FNDC3A: variants seen among roughly 807,000 people sequenced by gnomAD.
The protein encoded by FNDC3A is fibronectin type III domain containing 3A.
FNDC3A carries 32 observed loss-of-function variants against 148.9 expected under a neutral mutation model. The observed-to-expected ratio is 0.21, with a 90% CI of 0.16 to 0.29. The LOEUF is 0.29. Ranked by LOEUF, FNDC3A falls within the 10% of genes least tolerant of loss-of-function variation. FNDC3A has a pLI of 1.00. For synonymous variants in FNDC3A, 472 were observed against 473.6 expected (o/e 1.00, Z 0.04); for missense variants, 1,191 against 1,452.8 (o/e 0.82, Z 2.93).
intron 2 of FNDC3A, among the ~76,000 whole-genome samples, chr13:49,055,634 C>A (rs1274402798): frequency 6.6e-6 from 1 of 152,176 alleles, no homozygotes; most frequent in Non-Finnish European, 1.5e-5. Context: ...TTGATAATAG[C>A]TCTTTCAACC....
chr13:49,012,805 A>ATG (rs61137549), intron 2 of FNDC3A, among the ~76,000 whole-genome samples: 4,819 of 134,528 alleles, frequency 0.036, 119 homozygotes, highest in African/African-American at 0.067. Flanking sequence ...GCAATTATAA[A>ATG]TGTGTGTGTG....
At chr13:49,193,192 G>T (rs1282664459) in intron 19 of FNDC3A, among the ~76,000 whole-genome samples, 1 of 152,050 alleles carries the variant, frequency 6.6e-6, no homozygotes, top group Admixed American at 6.6e-5. Flanking sequence ...GTTTTCTTAG[G>T]TTGCCTTATA....
rs1401498120 is a variant in FNDC3A at position 49,195,118 on chromosome 13, A to G, written c.2227-1759A>G. On this transcript the variant is annotated intron_variant, in intron 19 of 25. Transcript: ENST00000492622. The stretch of plus-strand genomic sequence containing the variant: ...GTATTAGTTGTTATAATTGATTAGT[A>G]TATAGTTTAACTTTATTCATCATAT... 3.3e-5 allele frequency among the ~76,000 whole-genome samples: 5 copies of G among 152,162 alleles called. No individual in the cohort carries two copies. The South Asian group carries it at 8.3e-4, about 25-fold the overall frequency.
intron 7 of FNDC3A, among the ~76,000 whole-genome samples, chr13:49,144,912 A>G (rs1258836384): frequency 6.6e-6 from 1 of 152,124 alleles, no homozygotes; most frequent in Non-Finnish European, 1.5e-5. Flanking sequence ...GGAAATCTTC[A>G]GATGTTAGCG....
intron 2 of FNDC3A, among the ~76,000 whole-genome samples, chr13:49,038,626 G>A (rs902014426): frequency 6.6e-6 from 1 of 152,180 alleles, no homozygotes; most frequent in Non-Finnish European, 1.5e-5. Flanking sequence ...TGGTAGCCAA[G>A]ATAATTTATT....
At chr13:48,975,396 A>G (rs1951580835), upstream of FNDC3A, 1 of 152,176 alleles carries the variant, frequency 6.6e-6, no homozygotes, top group South Asian at 2.1e-4. Flanking sequence ...AACTGAGTAA[A>G]TATCTAAATA....
At chr13:49,119,500 ACAGAAGTAGGCTT>A (rs1265933001) in intron 4 of FNDC3A, among the ~76,000 whole-genome samples, 1 of 152,110 alleles carries the variant, frequency 6.6e-6, no homozygotes, top group Non-Finnish European at 1.5e-5. Flanking sequence ...TGACGAATTG[ACAGAAGTAGGCTT>A]CAGAAGGTGG....
intron 2 of FNDC3A, among the ~76,000 whole-genome samples, chr13:49,055,499 A>G (rs1410648375): frequency 1.3e-5 from 2 of 152,146 alleles, no homozygotes; most frequent in East Asian, 3.9e-4. Flanking sequence ...TAACATCAAC[A>G]CAGACCTTAA....
chr13:49,163,788 T>A lies in FNDC3A; in HGVS notation c.978-3456T>A, dbSNP rs141499354. ...GGATCAGCCTCCTTAAGTAGAAAGT[T>A]TAATCCATTTATCTTAAAGTTACTA... On this transcript the variant is annotated intron_variant, in intron 8 of 25. Transcript: ENST00000492622. Among the ~76,000 whole-genome samples the A allele has an allele frequency of 4.5e-4, 69 of 152,356 alleles. 1 individual carries two copies. The East Asian group carries it at 0.012, about 26-fold the overall frequency.
chr13:49,190,988 G>T (rs879085739), intron 17 of FNDC3A, 27 bp from the exon 18 acceptor site: 2 of 1,543,208 alleles, frequency 1.3e-6, no homozygotes, highest in African/African-American at 1.4e-5. Flanking sequence ...GGGCATTTTT[G>T]TTTTCTTTTT....
intron 2 of FNDC3A, among the ~76,000 whole-genome samples, chr13:49,047,751 ACT>A (rs1875526974): frequency 6.6e-6 from 1 of 151,894 alleles, no homozygotes; most frequent in Non-Finnish European, 1.5e-5. Context: ...TTGTCTGCTA[ACT>A]CTGTGGATTA....
At position 49,031,331 on chromosome 13, in the gene FNDC3A, G is replaced by A. The variant is rs577647006; in HGVS notation, c.99+25042G>A. Reference sequence around the variant, plus strand: ...CGGGAAGCAGAGGTTGCAGTGAGCCGAGATCTCACCACTGCATGATCAGCC... The same window carrying A: ...CGGGAAGCAGAGGTTGCAGTGAGCCAAGATCTCACCACTGCATGATCAGCC... On this transcript the variant is annotated intron_variant, in intron 2 of 25. Coordinates refer to ENST00000492622, the MANE Select transcript of FNDC3A (RefSeq NM_001079673.2). Among the ~76,000 whole-genome samples the A allele has an allele frequency of 8.0e-5, 12 of 150,790 alleles. No homozygotes were observed. The South Asian group carries it at 8.4e-4, about 11-fold the overall frequency.
At chr13:49,087,304 A>G (rs1878880918) in intron 3 of FNDC3A, among the ~76,000 whole-genome samples, 1 of 152,158 alleles carries the variant, frequency 6.6e-6, no homozygotes, top group Non-Finnish European at 1.5e-5. Flanking sequence ...TAGCTTTTGA[A>G]TAAATGTTCA....
chr13:49,170,654 CTT>C (rs1156990554), intron 10 of FNDC3A, among the ~76,000 whole-genome samples: 1 of 152,114 alleles, frequency 6.6e-6, no homozygotes, highest in African/African-American at 2.4e-5. Flanking sequence ...CTTTTAATGA[CTT>C]TGTGATCTGG....
At chr13:49,024,415 A>G (rs964618765) in intron 2 of FNDC3A, among the ~76,000 whole-genome samples, 1 of 152,018 alleles carries the variant, frequency 6.6e-6, no homozygotes, top group African/African-American at 2.4e-5. Context: ...GTACAAGGAC[A>G]CAACAGAAAA....
chr13:49,057,144 A>G (rs550652283), intron 2 of FNDC3A, among the ~76,000 whole-genome samples: 1 of 152,220 alleles, frequency 6.6e-6, no homozygotes, highest in East Asian at 1.9e-4. Context: ...TTTCTAGATT[A>G]TATAGCTAAT....
rs749321231 is a variant in FNDC3A, at chr13:49,198,213, G to A, written c.2722G>A (p.Gly908Arg). Residue 908 changes from glycine (G) to arginine (R), a missense_variant, in exon 22 of 26, where the codon GGA becomes AGA. This residue lies in a region of FNDC3A where 751 missense variants were observed against 944.0 expected (regional missense o/e 0.80). Coordinates refer to ENST00000492622, the MANE Select transcript of FNDC3A (RefSeq NM_001079673.2). ...TGGAGATAAACAATCCCTAACAGTG[G>A]GAAAGGTTACAAGCTATATTATCAA... is the stretch of plus-strand genomic sequence containing the variant. ...DFGDKQSLTV[G>R]KVTSYIINNL... 6.2e-7 allele frequency: 1 copy of A among 1,613,858 alleles called. No individual in the cohort carries two copies. Among genetic ancestry groups the A allele is most frequent in the Non-Finnish European group, 8.5e-7 (1 of 1,179,962 alleles).
At chr13:49,140,943 A>C (rs965970494) in intron 7 of FNDC3A, among the ~76,000 whole-genome samples, 3 of 152,132 alleles carry the variant, frequency 2.0e-5, no homozygotes, top group Admixed American at 2.0e-4. Flanking sequence ...CATTGAGGAC[A>C]GGGGTGGAAA....
intron 2 of FNDC3A, among the ~76,000 whole-genome samples, chr13:49,035,280 C>G (rs891288270): frequency 6.6e-5 from 10 of 151,968 alleles, no homozygotes; most frequent in African/African-American, 2.4e-4. Flanking sequence ...ATAAGCCATT[C>G]TGAAATAAAT....
Sources: allele counts gnomAD v4.1 joint callset (sites outside exome capture counted in the v4.1 genomes callset), GRCh38; gene constraint gnomAD v4.1.1; regional missense constraint gnomAD v4.1.1; transcripts MANE v1.5; gene names NCBI Gene and HGNC (gene_info 2026-07-23, HGNC 2026-07-21).